The following NEDD9 variants were observed in gnomAD, a reference collection of about 807,000 sequenced individuals.
NEDD9 encodes the protein enhancer of filamentation 1.
Under a neutral mutation model 76.6 loss-of-function variants are expected in NEDD9, and 26 were observed. That is an observed-to-expected ratio of 0.34 (90% CI 0.25 to 0.47). NEDD9 has a LOEUF of 0.47. Ranked by LOEUF, NEDD9 falls within the 20% of genes least tolerant of loss-of-function variation. The probability of loss-of-function intolerance (pLI) is 1.00; values close to 1 mark genes in which losing one functional copy is unlikely to be tolerated. For missense variants in NEDD9, 937 were observed against 1,058.5 expected (o/e 0.89, Z 1.59); for synonymous variants, 392 against 414.2 (o/e 0.95, Z 0.65).
chr6:11,290,912 A>G (rs1760748446), intron 3 of NEDD9, among the ~76,000 whole-genome samples: 1 of 152,160 alleles, frequency 6.6e-6, no homozygotes, highest in South Asian at 2.1e-4. Flanking sequence ...GATGCGATTG[A>G]GTGCTAGACG....
rs184385800 is a variant in NEDD9 at position 11,339,214 on chromosome 6, C to T, written c.-213-4653G>A. Among the ~76,000 whole-genome samples, 649 of 152,224 alleles carry T rather than the reference C, an allele frequency of 4.3e-3. 2 individuals carry two copies. Among genetic ancestry groups the T allele is most frequent in the African/African-American group, 0.015 (616 of 41,518 alleles). ...ATAATTATCTATATATTGCATTTATCACTTTATTATAAACATTGGAGATAA... is the reference window on the plus strand; with the variant it reads ...ATAATTATCTATATATTGCATTTATTACTTTATTATAAACATTGGAGATAA... On this transcript the variant is annotated intron_variant, in intron 1 of 3. Coordinates refer to the NEDD9 transcript ENST00000397378.
intron 4 of NEDD9, 29 bp from the exon 5 acceptor site, chr6:11,191,234 AT>A (rs770374762): frequency 6.5e-6 from 10 of 1,543,216 alleles, no homozygotes; most frequent in Non-Finnish European, 7.8e-6. Flanking sequence ...GCGAAATGCT[AT>A]TTATTGAGTT....
chr6:11,364,299 T>C (rs1188107364), intron 1 of NEDD9, among the ~76,000 whole-genome samples: 1 of 152,204 alleles, frequency 6.6e-6, no homozygotes, highest in Non-Finnish European at 1.5e-5. Flanking sequence ...GGACTCTTGG[T>C]AGCTCATGTC....
chr6:11,366,037 G>A (rs1762758336), intron 1 of NEDD9, among the ~76,000 whole-genome samples: 1 of 152,198 alleles, frequency 6.6e-6, no homozygotes, highest in Admixed American at 6.5e-5. Flanking sequence ...TGTAATCCCA[G>A]CACTTTGGGA....
intron 1 of NEDD9, among the ~76,000 whole-genome samples, chr6:11,350,659 A>G (rs911886658): frequency 6.6e-6 from 1 of 152,188 alleles, no homozygotes; most frequent in South Asian, 2.1e-4. Context: ...TCACTGGTAC[A>G]TCAACACAAT....
chr6:11,256,968 C>G (rs1760015246), intron 3 of NEDD9, among the ~76,000 whole-genome samples: 2 of 152,188 alleles, frequency 1.3e-5, no homozygotes, highest in African/African-American at 2.4e-5. Flanking sequence ...CTTAGAGAAT[C>G]ATTTTTCAAC....
At chr6:11,224,433 G>C (rs1025001526) in intron 1 of NEDD9, among the ~76,000 whole-genome samples, 1 of 152,128 alleles carries the variant, frequency 6.6e-6, no homozygotes, top group Admixed American at 6.5e-5. Flanking sequence ...TGAGTGGAGA[G>C]GGTCAGGGAA....
chr6:11,227,393 C>T (rs1161695808), intron 1 of NEDD9, among the ~76,000 whole-genome samples: 5 of 152,196 alleles, frequency 3.3e-5, no homozygotes, highest in Non-Finnish European at 7.3e-5. Context: ...CATATATTAT[C>T]CCAGGTCTTC....
intron 3 of NEDD9, among the ~76,000 whole-genome samples, chr6:11,285,859 A>ATATATTATT (rs1561816563): frequency 1.3e-5 from 2 of 152,202 alleles, no homozygotes; most frequent in African/African-American, 4.8e-5. Flanking sequence ...ATATTAATTC[A>ATATATTATT]AAGTGGATCA....
chr6:11,371,546 T>G (rs1342750275), intron 1 of NEDD9, among the ~76,000 whole-genome samples: 1 of 152,240 alleles, frequency 6.6e-6, no homozygotes, highest in African/African-American at 2.4e-5. Context: ...CAGATTGGCT[T>G]CTTTCACTTA....
rs189475330 is a variant in NEDD9 at position 11,295,392 on chromosome 6, G to A, written c.12+10600C>T. ...TAGGGTGCGAGATATTTCTTAAGAA[G>A]ATAATGGTAAGTCCTTCCACTCACT... On this transcript the variant is annotated intron_variant, in intron 3 of 3. Coordinates refer to the NEDD9 transcript ENST00000397378. Among the ~76,000 whole-genome samples the A allele has an allele frequency of 3.3e-4, 51 of 152,316 alleles. 1 individual carries two copies. Among genetic ancestry groups the A allele is most frequent in the African/African-American group, 1.1e-3 (44 of 41,578 alleles).
At chr6:11,230,776 G>A (rs1219210358) in intron 1 of NEDD9, among the ~76,000 whole-genome samples, 2 of 152,234 alleles carry the variant, frequency 1.3e-5, no homozygotes, top group Non-Finnish European at 2.9e-5. Flanking sequence ...GTAAGGCCCA[G>A]TGGAGAAGCA....
intron 1 of NEDD9, among the ~76,000 whole-genome samples, chr6:11,338,908 G>A (rs1471665682): frequency 1.0e-4 from 15 of 145,186 alleles, no homozygotes; most frequent in African/African-American, 3.7e-4. Context: ...GCGACAGAGC[G>A]AGACTCTGTC....
chr6:11,369,786 T>C (rs1349952883), intron 1 of NEDD9, among the ~76,000 whole-genome samples: 3 of 152,258 alleles, frequency 2.0e-5, no homozygotes, highest in Non-Finnish European at 1.5e-5. Context: ...TCTTTGTGTA[T>C]ATCCTCTTTC....
At chr6:11,280,480 A>T (rs1452005007) in intron 3 of NEDD9, among the ~76,000 whole-genome samples, 1 of 152,144 alleles carries the variant, frequency 6.6e-6, no homozygotes, top group Non-Finnish European at 1.5e-5. Flanking sequence ...GCTGGCCCCC[A>T]CCATGGGGAG....
intron 3 of NEDD9, among the ~76,000 whole-genome samples, chr6:11,245,948 T>G (rs1759798271): frequency 6.6e-6 from 1 of 152,122 alleles, no homozygotes; most frequent in South Asian, 2.1e-4. Flanking sequence ...GTTTAGTTTT[T>G]TTTTTTCTTT....
intron 1 of NEDD9, among the ~76,000 whole-genome samples, chr6:11,366,399 A>C (rs1335129872): frequency 7.6e-6 from 1 of 131,798 alleles, no homozygotes; most frequent in Non-Finnish European, 1.7e-5. Context: ...AGAGAGAGAA[A>C]TAAAAGAAGA....
chr6:11,328,729 CT>C (rs1418396050), intron 2 of NEDD9: 9 of 152,238 alleles, frequency 5.9e-5, no homozygotes, highest in African/African-American at 2.2e-4. Context: ...TTGACTTCTG[CT>C]GAGTTTGATT....
At chr6:11,256,840 A>G (rs1760013675) in intron 3 of NEDD9, among the ~76,000 whole-genome samples, 1 of 152,194 alleles carries the variant, frequency 6.6e-6, no homozygotes, top group African/African-American at 2.4e-5. Context: ...GTAGATGTGA[A>G]TTGATTTAGG....
Sources: allele counts gnomAD v4.1 joint callset (sites outside exome capture counted in the v4.1 genomes callset), GRCh38; gene constraint gnomAD v4.1.1; transcripts MANE v1.5; gene names NCBI Gene and HGNC (gene_info 2026-07-23, HGNC 2026-07-21).